The following ATP8A2 variants were observed in gnomAD, a reference collection of about 807,000 sequenced individuals.
ATP8A2 encodes the protein ATPase phospholipid transporting 8A2.
Under a neutral mutation model 165.6 loss-of-function variants are expected in ATP8A2, and 100 were observed. The ratio of observed to expected loss-of-function variants is 0.60; its 90% confidence interval spans 0.51 to 0.71. The LOEUF is 0.71. ATP8A2 is among the 30% of genes least tolerant of loss of function. ATP8A2 has a pLI of 0.00. For missense variants in ATP8A2, 1,227 were observed against 1,479.5 expected (o/e 0.83, Z 2.80); for synonymous variants, 543 against 548.8 (o/e 0.99, Z 0.15).
chr13:25,885,105 C>CTTTTTTTT (rs869044168), intron 33 of ATP8A2, among the ~76,000 whole-genome samples: 13 of 88,596 alleles, frequency 1.5e-4, no homozygotes, highest in Admixed American at 4.5e-4. Context: ...TCTCCGCTTG[C>CTTTTTTTT]TTTTTTTTTT....
At chr13:25,646,654 CAAAAAA>C (rs71186893) in intron 24 of ATP8A2, among the ~76,000 whole-genome samples, 1 of 8,002 alleles carries the variant, frequency 1.2e-4, no homozygotes, top group Non-Finnish European at 2.8e-4. Context: ...GACTCCATCT[CAAAAAA>C]AAAAAAAAAA....
At chr13:25,818,185 G>A (rs1023772541) in intron 27 of ATP8A2, among the ~76,000 whole-genome samples, 2 of 152,070 alleles carry the variant, frequency 1.3e-5, no homozygotes, top group African/African-American at 4.8e-5. Flanking sequence ...GCATTTTGTT[G>A]TACAAAATGG....
At chr13:25,538,850 G>T (rs1296044391) in intron 7 of ATP8A2, among the ~76,000 whole-genome samples, 1 of 151,992 alleles carries the variant, frequency 6.6e-6, no homozygotes, top group East Asian at 1.9e-4. Flanking sequence ...TGGATTTTAA[G>T]CCTAAGCATT....
intron 24 of ATP8A2, among the ~76,000 whole-genome samples, chr13:25,640,975 A>C (rs1453173872): frequency 6.6e-6 from 1 of 152,242 alleles, no homozygotes; most frequent in Non-Finnish European, 1.5e-5. Context: ...AATGTAATCC[A>C]GCATATAAAC....
At chr13:25,927,604 T>C (rs903518788) in intron 33 of ATP8A2, among the ~76,000 whole-genome samples, 2 of 152,242 alleles carry the variant, frequency 1.3e-5, no homozygotes, top group African/African-American at 2.4e-5. Flanking sequence ...TACGGTCTTA[T>C]CAAAGCCACT....
chr13:25,513,452 G>T (rs1051873861), intron 2 of ATP8A2, among the ~76,000 whole-genome samples: 5 of 151,812 alleles, frequency 3.3e-5, no homozygotes, highest in African/African-American at 1.2e-4. Context: ...CGGCCGGGAA[G>T]AGGCGCTCCT....
intron 33 of ATP8A2, among the ~76,000 whole-genome samples, chr13:25,913,776 T>C (rs1954189712): frequency 1.3e-5 from 2 of 152,226 alleles, no homozygotes; most frequent in African/African-American, 4.8e-5. Flanking sequence ...GAAATTAGTA[T>C]AGTGTACAAA....
At position 25,372,183 on chromosome 13, in the gene ATP8A2, C is replaced by T; in HGVS notation, c.-30C>T. On this transcript the variant is annotated 5_prime_UTR_variant, in exon 1 of 37. Coordinates refer to ENST00000381655, the MANE Select transcript of ATP8A2 (RefSeq NM_016529.6). The surrounding 1 kb of genome is among the most constrained non-coding windows in gnomAD (Gnocchi z 4.8). Reference sequence around the variant, plus strand: ...CTGCGCGTAGCCTCCGTCTCTCGCCCGGGGCCGCCGAGCCCCCGACACGGG... The same window carrying T: ...CTGCGCGTAGCCTCCGTCTCTCGCCTGGGGCCGCCGAGCCCCCGACACGGG... 1 of 1,409,716 alleles carries T rather than the reference C, an allele frequency of 7.1e-7. No homozygotes were observed. Among genetic ancestry groups the T allele is most frequent in the Non-Finnish European group, 9.4e-7 (1 of 1,068,906 alleles). The allele number at this position is 1,409,716 out of a possible 1,614,324, so 87.3% of individuals were successfully genotyped here.
At chr13:25,450,252 C>T (rs2035176369) in intron 1 of ATP8A2, among the ~76,000 whole-genome samples, 1 of 152,132 alleles carries the variant, frequency 6.6e-6, no homozygotes, top group Admixed American at 6.5e-5. Flanking sequence ...GATTCCATAT[C>T]TTTACTATTG....
chr13:25,722,618 A>C (rs2043405561), intron 25 of ATP8A2, among the ~76,000 whole-genome samples: 1 of 152,054 alleles, frequency 6.6e-6, no homozygotes, highest in African/African-American at 2.4e-5. Flanking sequence ...AGAATTTATT[A>C]TTAGTAACAC....
At chr13:25,731,839 G>A (rs1206642730) in intron 25 of ATP8A2, among the ~76,000 whole-genome samples, 2 of 152,238 alleles carry the variant, frequency 1.3e-5, no homozygotes, top group Admixed American at 6.5e-5. Flanking sequence ...TTCTTTTTAA[G>A]CAAGAGTCTT....
intron 24 of ATP8A2, among the ~76,000 whole-genome samples, chr13:25,648,682 A>G (rs2041738140): frequency 6.6e-6 from 1 of 152,172 alleles, no homozygotes; most frequent in African/African-American, 2.4e-5. Flanking sequence ...ACAAAACAAA[A>G]CAAAAATGGA....
intron 1 of ATP8A2, among the ~76,000 whole-genome samples, chr13:25,415,836 C>CT (rs1421688607): frequency 7.9e-5 from 12 of 151,654 alleles, no homozygotes; most frequent in African/African-American, 1.2e-4. Flanking sequence ...ATCCACTTAT[C>CT]TTTTTTTTTC....
intron 33 of ATP8A2, among the ~76,000 whole-genome samples, chr13:25,941,690 T>G (rs536904201): frequency 3.8e-4 from 58 of 152,284 alleles, no homozygotes; most frequent in Middle Eastern, 3.4e-3. Flanking sequence ...CTGTGGTGAC[T>G]TCATGCCTGT....
intron 36 of ATP8A2, among the ~76,000 whole-genome samples, 156 bp from the exon 37 acceptor site, chr13:26,019,732 C>T (rs1593726686): frequency 1.3e-5 from 2 of 152,204 alleles, no homozygotes; most frequent in Non-Finnish European, 2.9e-5. Flanking sequence ...TCTATGGCCA[C>T]AGGTTTCTTC....
intron 33 of ATP8A2, among the ~76,000 whole-genome samples, chr13:25,915,846 T>C (rs1054872884): frequency 6.6e-6 from 1 of 152,266 alleles, no homozygotes; most frequent in African/African-American, 2.4e-5. Flanking sequence ...TTTAGTGAAT[T>C]GCAATGAACT....
Position 26,021,116 on chromosome 13 carries a change from T to G in ATP8A2, c.*1131T>G, listed in dbSNP as rs1957076200. 2 of 152,274 alleles carry G rather than the reference T, an allele frequency of 1.3e-5. No homozygotes were observed. The highest frequency in any genetic ancestry group is 4.8e-5 in the African/African-American group (2 of 41,534). 9.4% of individuals were successfully genotyped at this position (152,274 alleles called of 1,614,324 possible). A position where few individuals can be genotyped will look rare whatever the true frequency, so the allele number is the denominator to read the frequency against. ...AAGGAACACACCTGTCGCTCTTAGC[T>G]CTAGAGTCAGAGGATGAGTAAACCC... is the stretch of plus-strand genomic sequence containing the variant. On this transcript the variant is annotated 3_prime_UTR_variant, in exon 37 of 37. Transcript: ENST00000381655.
chr13:25,406,021 T>G (rs991443529), intron 1 of ATP8A2, among the ~76,000 whole-genome samples: 5 of 152,202 alleles, frequency 3.3e-5, no homozygotes, highest in African/African-American at 1.2e-4. Context: ...TTCCAGGACA[T>G]GATTGGCACT....
intron 25 of ATP8A2, among the ~76,000 whole-genome samples, chr13:25,711,596 G>GT (rs1479000594): frequency 2.2e-4 from 33 of 152,146 alleles, no homozygotes; most frequent in African/African-American, 7.7e-4. Flanking sequence ...TTAGGAGAAG[G>GT]CAACACTATG....
Sources: gnomAD v4.1 joint callset for allele counts (sites outside exome capture counted in the v4.1 genomes callset) on GRCh38, gnomAD v4.1.1 for gene constraint, Gnocchi (gnomAD v3.1) non-coding constraint, MANE v1.5 for transcripts, NCBI Gene and HGNC (gene_info 2026-07-23, HGNC 2026-07-21) for gene names.